Variants in USP50 observed in about 807,000 individuals in gnomAD.
USP50 encodes ubiquitin specific peptidase 50.
A neutral mutation model predicts 39.2 loss-of-function variants in USP50; 37 were observed. The ratio of observed to expected loss-of-function variants is 0.94; its 90% confidence interval spans 0.73 to 1.24. USP50 has a LOEUF of 1.24. USP50 is among the 50% of genes most tolerant of loss of function. The pLI, the probability that USP50 is intolerant of heterozygous loss-of-function variation, is 0.00. For missense variants in USP50, 374 were observed against 398.2 expected (o/e 0.94, Z 0.52); for synonymous variants, 139 against 144.5 (o/e 0.96, Z 0.27).
chr15:50,526,132 C>T (rs756299975), intron 6 of USP50, among the ~76,000 whole-genome samples: 4 of 152,148 alleles, frequency 2.6e-5, no homozygotes, highest in African/African-American at 4.8e-5. Context: ...TATCTCAGCT[C>T]GCTGCAGCCT....
chr15:50,495,201 T>G (rs2052329443), intron 1 of USP50, among the ~76,000 whole-genome samples: 1 of 149,050 alleles, frequency 6.7e-6, no homozygotes, highest in South Asian at 2.1e-4. Context: ...TATATATATA[T>G]ATACACACAC....
intron 6 of USP50, chr15:50,503,816 A>G (rs1337483395): frequency 6.6e-6 from 1 of 152,250 alleles, no homozygotes; most frequent in Non-Finnish European, 1.5e-5. Flanking sequence ...ACCCCAATGA[A>G]GTTGAGATCA....
intron 6 of USP50, among the ~76,000 whole-genome samples, chr15:50,529,303 A>C (rs1405679181): frequency 6.6e-6 from 1 of 151,104 alleles, no homozygotes; most frequent in Non-Finnish European, 1.5e-5. Context: ...TGAGCCCAGG[A>C]GTTCAAGACC....
At chr15:50,495,169 C>G (rs2052328119) in intron 1 of USP50, among the ~76,000 whole-genome samples, 1 of 151,662 alleles carries the variant, frequency 6.6e-6, no homozygotes, top group Non-Finnish European at 1.5e-5. Flanking sequence ...TTTGGGGTCA[C>G]CATTCTTAAC....
chr15:50,531,091 T>C (rs3109898), intron 5 of USP50, among the ~76,000 whole-genome samples: 44,671 of 151,920 alleles, frequency 0.29, 6,720 homozygotes, highest in East Asian at 0.47. Context: ...TTTGGAAAAA[T>C]GGCTGATGGA....
intron 6 of USP50, chr15:50,513,758 A>G (rs1372678359): frequency 6.6e-6 from 1 of 152,232 alleles, no homozygotes; most frequent in East Asian, 1.9e-4. Flanking sequence ...CAAAACGAAC[A>G]AAAGACTACC....
chr15:50,544,800 G>A lies in USP50; in HGVS notation c.54-19C>T. On this transcript the variant is annotated intron_variant, in intron 1 of 6. Coordinates refer to ENST00000532404, the MANE Select transcript of USP50 (RefSeq NM_203494.5). ...CTCTGCACTGTGTTGGTGCCACATGGGAAGAAAGGGTTTTGAGAGAACAAA... is the reference window on the plus strand; with the variant it reads ...CTCTGCACTGTGTTGGTGCCACATGAGAAGAAAGGGTTTTGAGAGAACAAA... 6.2e-7 allele frequency: 1 copy of A among 1,603,698 alleles called. No homozygotes were observed. The highest frequency in any genetic ancestry group is 8.5e-7 in the Non-Finnish European group (1 of 1,173,510).
At chr15:50,500,549 T>C, downstream of USP50, 1 of 474,072 alleles carries the variant, frequency 2.1e-6, no homozygotes. Context: ...CATAAAAATG[T>C]TAATGATGCA....
intron 6 of USP50, among the ~76,000 whole-genome samples, chr15:50,525,534 A>G (rs1334141156): frequency 2.4e-5 from 2 of 84,224 alleles, no homozygotes; most frequent in Non-Finnish European, 4.6e-5. Flanking sequence ...ATGTATATGT[A>G]TATGTATATA....
rs1053002809 is a variant in USP50, at chr15:50,513,909, C to T, written c.937-13072G>A. The T allele has an allele frequency of 4.6e-5, 7 of 152,168 alleles. No individual in the cohort carries two copies. The South Asian group carries it at 1.5e-3, about 32-fold the overall frequency. 9.4% of individuals were successfully genotyped at this position (152,168 alleles called of 1,614,324 possible). On this transcript the variant is annotated intron_variant, in intron 6 of 6. Transcript: ENST00000532404. ...GCGTATTTCTGAACCAGGAGTTTCA[C>T]TCCTAGGTATGTACTCAAAAGAACT...
intron 6 of USP50, among the ~76,000 whole-genome samples, chr15:50,526,940 G>C (rs138989858): frequency 6.6e-6 from 1 of 152,164 alleles, no homozygotes; most frequent in Non-Finnish European, 1.5e-5. Context: ...AACAGTGCCT[G>C]ATACATAATA....
chr15:50,527,399 G>A (rs2052906942), intron 6 of USP50, among the ~76,000 whole-genome samples: 1 of 151,718 alleles, frequency 6.6e-6, no homozygotes, highest in African/African-American at 2.4e-5. Context: ...AGTAGAGATG[G>A]GGTTTCACCA....
At chr15:50,505,784 C>T (rs2052649819) in intron 6 of USP50, 1 of 152,086 alleles carries the variant, frequency 6.6e-6, no homozygotes, top group Non-Finnish European at 1.5e-5. Context: ...CATAGTGAGA[C>T]CTGGTCTCTA....
At chr15:50,537,906 GAGGGAAGGGAAGGGA>G (rs1207629105) in intron 5 of USP50, among the ~76,000 whole-genome samples, 3 of 7,892 alleles carry the variant, frequency 3.8e-4, no homozygotes, top group Admixed American at 2.0e-3. Flanking sequence ...GAGGGAAGGG[GAGGGAAGGGAAGGGA>G]AGGGAAGGGA....
intron 6 of USP50, among the ~76,000 whole-genome samples, chr15:50,523,767 G>A (rs1400092934): frequency 6.6e-6 from 1 of 151,990 alleles, no homozygotes; most frequent in Non-Finnish European, 1.5e-5. Flanking sequence ...AAATTTTACA[G>A]AAATAGAAAA....
chr15:50,537,901 A>AGGGG (rs1566911073), intron 5 of USP50, among the ~76,000 whole-genome samples: 4 of 12,912 alleles, frequency 3.1e-4, no homozygotes, highest in African/African-American at 5.4e-4. Flanking sequence ...GAGGGGAGGG[A>AGGGG]AGGGGAGGGA....
intron 6 of USP50, among the ~76,000 whole-genome samples, chr15:50,516,604 G>T (rs1449819568): frequency 6.6e-6 from 1 of 152,102 alleles, no homozygotes; most frequent in Non-Finnish European, 1.5e-5. Context: ...GCGACAGAGT[G>T]AGACTCCAAA....
chr15:50,499,628 G>C (rs1566897010), downstream of USP50: 1 of 151,720 alleles, frequency 6.6e-6, no homozygotes, highest in South Asian at 2.1e-4. Context: ...GCTTTCTTAG[G>C]GAAATGACAG....
At chr15:50,513,341 T>C (rs907219427) in intron 6 of USP50, 5 of 152,038 alleles carry the variant, frequency 3.3e-5, no homozygotes, top group African/African-American at 9.7e-5. Context: ...ATTCACACAA[T>C]ATACATCATA....
Sources: gnomAD v4.1 joint callset for allele counts (sites outside exome capture counted in the v4.1 genomes callset) on GRCh38, gnomAD v4.1.1 for gene constraint, MANE v1.5 for transcripts, NCBI Gene and HGNC (gene_info 2026-07-23, HGNC 2026-07-21) for gene names.